NRXN1: variants seen among roughly 807,000 people sequenced by gnomAD.
NRXN1 encodes the protein neurexin-1.
In NRXN1, 39 loss-of-function variants were observed where a neutral mutation model predicts 150.9. The observed-to-expected ratio is 0.26, with a 90% CI of 0.20 to 0.34. The LOEUF (loss-of-function observed/expected upper bound fraction) is 0.34, where lower values mean the gene tolerates loss of function less well. Among genes scored for constraint, NRXN1 ranks in the 10% least tolerant of loss-of-function variants. NRXN1 has a pLI of 1.00. For synonymous variants in NRXN1, 924 were observed against 757.0 expected, an observed-to-expected ratio of 1.22 and a Z score of -3.62; for missense variants, 1,815 against 1,949.9, an observed-to-expected ratio of 0.93 and a Z score of 1.30.
At chr2:50,381,400 C>A (rs1218923542) in intron 17 of NRXN1, among the ~76,000 whole-genome samples, 1 of 151,722 alleles carries the variant, frequency 6.6e-6, no homozygotes, top group Non-Finnish European at 1.5e-5. Context: ...CCAAAGAGTA[C>A]CTGGGGAAAC....
At chr2:50,337,923 T>A (rs74346334) in intron 17 of NRXN1, among the ~76,000 whole-genome samples, 2,244 of 152,314 alleles carry the variant, frequency 0.015, 56 homozygotes, top group African/African-American at 0.049. Flanking sequence ...CAGATATCAA[T>A]ACCTTGTGTA....
chr2:50,208,721 C>G (rs13385402), intron 18 of NRXN1, among the ~76,000 whole-genome samples: 15,057 of 151,990 alleles, frequency 0.099, 885 homozygotes, highest in South Asian at 0.16. Flanking sequence ...TCAGGGACAA[C>G]AAGCAAAAGC....
chr2:50,587,694 G>T (rs1207832790), intron 8 of NRXN1, among the ~76,000 whole-genome samples: 1 of 152,094 alleles, frequency 6.6e-6, no homozygotes, highest in Non-Finnish European at 1.5e-5. Context: ...TTTAGGATGA[G>T]ATTAATTTCA....
intron 2 of NRXN1, among the ~76,000 whole-genome samples, chr2:50,996,887 G>T (rs1010525341): frequency 6.6e-6 from 1 of 152,024 alleles, no homozygotes; most frequent in Non-Finnish European, 1.5e-5. Context: ...AAACTCGTGA[G>T]GGGGGAGTAA....
At chr2:50,310,025 T>C (rs2075045752) in intron 17 of NRXN1, among the ~76,000 whole-genome samples, 1 of 152,116 alleles carries the variant, frequency 6.6e-6, no homozygotes, top group South Asian at 2.1e-4. Context: ...TTCCAGATGG[T>C]ATATGTGCAC....
chr2:50,234,398 G>A (rs1015772070), intron 18 of NRXN1, among the ~76,000 whole-genome samples: 9 of 152,010 alleles, frequency 5.9e-5, no homozygotes, highest in Admixed American at 1.3e-4. Flanking sequence ...GGAGGCTGAG[G>A]CAGGAGAATA....
chr2:50,260,266 C>T (rs920149284), intron 17 of NRXN1, among the ~76,000 whole-genome samples: 6 of 151,742 alleles, frequency 4.0e-5, no homozygotes, highest in African/African-American at 1.2e-4. Flanking sequence ...TCTACTTCTG[C>T]CTATTGAAAA....
intron 18 of NRXN1, among the ~76,000 whole-genome samples, chr2:50,211,088 G>A (rs1362592580): frequency 6.6e-6 from 1 of 151,282 alleles, no homozygotes; most frequent in African/African-American, 2.4e-5. Flanking sequence ...ATACCAAACT[G>A]ACTTGAAAAA....
chr2:50,372,803 T>C lies in NRXN1; in HGVS notation c.3364+92639A>G, dbSNP rs571345124. ...GAAAAATTCAATCCTCATTTCTATA[T>C]TGATTATTTATACCAGCACTCCCCA... On this transcript the variant is annotated intron_variant, in intron 17 of 22. Coordinates refer to ENST00000401669, the MANE Select transcript of NRXN1 (RefSeq NM_001330078.2). 2.0e-5 allele frequency among the ~76,000 whole-genome samples: 3 copies of C among 152,198 alleles called. No individual in the cohort carries two copies. In the East Asian group the frequency reaches 5.8e-4, roughly 29 times the overall value.
intron 5 of NRXN1, among the ~76,000 whole-genome samples, chr2:50,852,186 C>T (rs1014450563): frequency 1.2e-4 from 19 of 152,110 alleles, no homozygotes; most frequent in Non-Finnish European, 8.8e-5. Context: ...AGGATTTGAC[C>T]AGGCAAAAGG....
At chr2:50,252,233 C>CTTTTTTTTTTTTTTTTTTTTTT (rs55993018) in intron 17 of NRXN1, among the ~76,000 whole-genome samples, 4 of 94,920 alleles carry the variant, frequency 4.2e-5, no homozygotes, top group Non-Finnish European at 5.7e-5. Context: ...ACATTTTGTC[C>CTTTTTTTTTTTTTTTTTTTTTT]TTTTTTTTTT....
chr2:50,046,256 ACT>A lies in NRXN1; in HGVS notation c.4128+7013_4128+7014del, dbSNP rs776133189. 3.3e-5 allele frequency among the ~76,000 whole-genome samples: 5 copies of A among 152,154 alleles called. No individual in the cohort carries two copies. In the South Asian group the frequency reaches 1.0e-3, roughly 32 times the overall value. On this transcript the variant is annotated intron_variant, in intron 21 of 22. Coordinates refer to ENST00000401669, the MANE Select transcript of NRXN1 (RefSeq NM_001330078.2). ...TGTAGTCCTCATGGACCTCACGATA[ACT>A]CTCTCTTTGTGTTATTACCTGCCCT... is the stretch of plus-strand genomic sequence containing the variant.
intron 21 of NRXN1, among the ~76,000 whole-genome samples, chr2:50,007,532 T>A (rs1386785404): frequency 6.6e-6 from 1 of 152,172 alleles, no homozygotes; most frequent in East Asian, 1.9e-4. Context: ...GTTTCCAGCT[T>A]CATCCATGTC....
At chr2:49,986,511 CTATTGCAAT>C (rs1234984838) in intron 21 of NRXN1, among the ~76,000 whole-genome samples, 1 of 152,142 alleles carries the variant, frequency 6.6e-6, no homozygotes, top group Non-Finnish European at 1.5e-5. Context: ...CTTCTGCAAT[CTATTGCAAT>C]ATTTCATGTC....
intron 17 of NRXN1, among the ~76,000 whole-genome samples, chr2:50,424,295 A>AAGGAGGGGGAGG (rs2084288780): frequency 1.4e-5 from 1 of 71,914 alleles, no homozygotes; most frequent in African/African-American, 6.8e-5. Flanking sequence ...GAGGAAGAAG[A>AAGGAGGGGGAGG]AGGAGGAGGA....
At chr2:50,246,789 C>G (rs776554091) in intron 17 of NRXN1, among the ~76,000 whole-genome samples, 6 of 152,020 alleles carry the variant, frequency 3.9e-5, no homozygotes, top group Non-Finnish European at 8.8e-5. Context: ...TAATTCTCGC[C>G]TTTCAACATC....
Position 50,347,381 on chromosome 2 carries a change from G to T in NRXN1, c.3365-110411C>A. Reference sequence around the variant, plus strand: ...CTTCTACATGACAGACATCCACCGCGAATCCACTAGGTAAATCCATTTAGC... The same window carrying T: ...CTTCTACATGACAGACATCCACCGCTAATCCACTAGGTAAATCCATTTAGC... On this transcript the variant is annotated intron_variant, in intron 17 of 22. Transcript: ENST00000401669. The surrounding 1 kb of genome is among the most constrained non-coding windows in gnomAD (Gnocchi z 4.9). 8.4e-7 allele frequency: 1 copy of T among 1,194,022 alleles called. No individual in the cohort carries two copies. The highest frequency in any genetic ancestry group is 1.1e-6 in the Non-Finnish European group (1 of 943,944). The allele number at this position is 1,194,022 out of a possible 1,614,324, so 74.0% of individuals were successfully genotyped here.
intron 8 of NRXN1, among the ~76,000 whole-genome samples, chr2:50,569,040 C>T (rs1204299666): frequency 2.6e-5 from 4 of 151,988 alleles, no homozygotes; most frequent in African/African-American, 9.7e-5. Context: ...ATAAGCCAGG[C>T]ATAGAAAGGC....
At chr2:50,413,297 A>G (rs2083316345) in intron 17 of NRXN1, among the ~76,000 whole-genome samples, 1 of 152,362 alleles carries the variant, frequency 6.6e-6, no homozygotes, top group East Asian at 1.9e-4. Flanking sequence ...ATTTCTCAAA[A>G]GAAGACATAC....
Sources: allele counts gnomAD v4.1 joint callset (sites outside exome capture counted in the v4.1 genomes callset), GRCh38; gene constraint gnomAD v4.1.1; non-coding constraint Gnocchi (gnomAD v3.1); transcripts MANE v1.5; gene names NCBI Gene and HGNC (gene_info 2026-07-23, HGNC 2026-07-21).